Variants in IQANK1 observed in about 807,000 individuals in gnomAD.
IQANK1 encodes IQ motif and ankyrin repeat containing 1, also known as IQ motif and ankyrin repeat domain-containing protein 1.
A neutral mutation model predicts 22.6 loss-of-function variants in IQANK1; 30 were observed. That is an observed-to-expected ratio of 1.33 (90% CI 0.99 to 1.80). The LOEUF (loss-of-function observed/expected upper bound fraction) is 1.80, where lower values mean the gene tolerates loss of function less well. Ranked by LOEUF, IQANK1 falls within the 40% of genes most tolerant of loss-of-function variation. The pLI is 0.00. For synonymous variants in IQANK1, 122 were observed against 99.6 expected, an observed-to-expected ratio of 1.23 and a Z score of -1.34; for missense variants, 275 against 235.2, an observed-to-expected ratio of 1.17 and a Z score of -1.11.
intron 3 of IQANK1, among the ~76,000 whole-genome samples, chr8:143,769,844 T>TAGG (rs781876216): frequency 5.3e-5 from 8 of 152,260 alleles, no homozygotes; most frequent in Admixed American, 2.0e-4. Flanking sequence ...CTGCCATCTG[T>TAGG]GCTGCAGAAC....
intron 3 of IQANK1, among the ~76,000 whole-genome samples, chr8:143,747,672 C>T (rs553785147): frequency 6.6e-6 from 1 of 151,616 alleles, no homozygotes; most frequent in Non-Finnish European, 1.5e-5. Context: ...TGTTTAATTC[C>T]ACCATTTTGT....
chr8:143,742,924 T>C (rs782438530), intron 3 of IQANK1: 1 of 456,084 alleles, frequency 2.2e-6, no homozygotes, highest in South Asian at 1.5e-5. Flanking sequence ...TGCCAGAATC[T>C]ATCTTTTGCC....
intron 3 of IQANK1, among the ~76,000 whole-genome samples, chr8:143,768,011 T>C (rs1819508985): frequency 6.7e-6 from 1 of 148,330 alleles, no homozygotes; most frequent in Admixed American, 6.7e-5. Context: ...CAGCCTCCCC[T>C]GTAGCTGGAT....
chr8:143,770,255 TC>T (rs1819548077), intron 3 of IQANK1, among the ~76,000 whole-genome samples: 2 of 152,244 alleles, frequency 1.3e-5, no homozygotes, highest in Admixed American at 1.3e-4. Flanking sequence ...CTGGGATTTT[TC>T]CCCCTTTTGT....
At chr8:143,765,899 A>T (rs927125654) in intron 3 of IQANK1, among the ~76,000 whole-genome samples, 3 of 152,226 alleles carry the variant, frequency 2.0e-5, no homozygotes, top group Non-Finnish European at 2.9e-5. Context: ...TAAAAATAAC[A>T]CTAGCATGGA....
Position 143,774,739 on chromosome 8 carries a change from G to C in IQANK1, c.789+2257G>C, listed in dbSNP as rs577492031. Among the ~76,000 whole-genome samples the C allele has an allele frequency of 5.9e-5, 9 of 152,344 alleles. No homozygotes were observed. The South Asian group carries it at 1.9e-3, about 32-fold the overall frequency. On this transcript the variant is annotated intron_variant, in intron 7 of 13. Transcript: ENST00000527139. This position sits in a 1 kb window ranked among gnomAD's most constrained non-coding sequence, Gnocchi z 4.2. ...GCTTTATTTACAATAGCCAAAAAGT[G>C]GAAACGACTCAGATGTCCTCCAGCA...
chr8:143,734,514 G>C (rs1554625345), intron 1 of IQANK1, among the ~76,000 whole-genome samples: 1 of 149,000 alleles, frequency 6.7e-6, no homozygotes, highest in Admixed American at 6.7e-5. Context: ...CGAATGACCT[G>C]TGCCTCATGT....
rs1319473208 is a variant in IQANK1 at position 143,748,914 on chromosome 8, T to G, written c.175+8966T>G. 6.3e-5 allele frequency among the ~76,000 whole-genome samples: 4 copies of G among 63,998 alleles called. No homozygotes were observed. In the East Asian group the frequency reaches 1.4e-3, roughly 22 times the overall value. The allele number at this position is 63,998 out of a possible 152,430, so 42.0% of individuals were successfully genotyped here. Reference sequence around the variant, plus strand: ...AAATACTTAAAAATATACATATATATCTATATATAAATATATAAAAATATA... The same window carrying G: ...AAATACTTAAAAATATACATATATAGCTATATATAAATATATAAAAATATA... On this transcript the variant is annotated intron_variant, in intron 3 of 13. Coordinates refer to ENST00000527139, the MANE Select transcript of IQANK1 (RefSeq NM_001381874.1).
chr8:143,777,715 T>C (rs1275836897), intron 7 of IQANK1, among the ~76,000 whole-genome samples: 2 of 151,306 alleles, frequency 1.3e-5, no homozygotes, highest in African/African-American at 4.9e-5. Context: ...ATCAAAAGAG[T>C]TGGAGCTAAT....
intron 3 of IQANK1, among the ~76,000 whole-genome samples, chr8:143,757,009 T>C (rs970386784): frequency 6.6e-6 from 1 of 151,764 alleles, no homozygotes; most frequent in Non-Finnish European, 1.5e-5. Flanking sequence ...GAAAAGAGCA[T>C]GACTTTGCTC....
intron 7 of IQANK1, among the ~76,000 whole-genome samples, chr8:143,778,010 T>C (rs1296992730): frequency 5.9e-5 from 9 of 152,038 alleles, no homozygotes; most frequent in Admixed American, 1.3e-4. Flanking sequence ...CTGGCTAACA[T>C]GGTGAAACCC....
rs1819565354 is a variant in IQANK1, at chr8:143,771,290, G to T, written c.176-198G>T. On this transcript the variant is annotated intron_variant, in intron 3 of 13. Transcript: ENST00000527139. The surrounding 1 kb of genome is among the most constrained non-coding windows in gnomAD (Gnocchi z 6.0). ...GTTCCCGCAGACCTGGGTCCTCTCC[G>T]CGTCCCGGGCTCTCGCGCAGCCTCC... is the stretch of plus-strand genomic sequence containing the variant. Among the ~76,000 whole-genome samples, 2 of 151,894 alleles carry T rather than the reference G, an allele frequency of 1.3e-5. No homozygotes were observed. The highest frequency in any genetic ancestry group is 4.8e-5 in the African/African-American group (2 of 41,356).
At chr8:143,773,750 A>T (rs559358927) in intron 7 of IQANK1, among the ~76,000 whole-genome samples, 77 of 152,196 alleles carry the variant, frequency 5.1e-4, no homozygotes, top group African/African-American at 1.7e-3. Flanking sequence ...CCTTGTCTGC[A>T]AAGGGTCCTT....
rs565340263 is a variant in IQANK1, at chr8:143,748,828, ATT to A, written c.175+8882_175+8883del. On this transcript the variant is annotated intron_variant, in intron 3 of 13. Coordinates refer to ENST00000527139, the MANE Select transcript of IQANK1 (RefSeq NM_001381874.1). ...ATATCATATAAATATATAAATATAT[ATT>A]TCATATATAAATATATAAATATATA... Among the ~76,000 whole-genome samples, 969 of 116,990 alleles carry A rather than the reference ATT, an allele frequency of 8.3e-3. 17 individuals are homozygous for A. The highest frequency in any genetic ancestry group is 0.025 in the African/African-American group (691 of 28,062). 76.7% of individuals were successfully genotyped at this position (116,990 alleles called of 152,430 possible). A position where few individuals can be genotyped will look rare whatever the true frequency, so the allele number is the denominator to read the frequency against.
intron 2 of IQANK1, chr8:143,739,425 G>C (rs1818833765): frequency 6.2e-6 from 1 of 160,562 alleles, no homozygotes; most frequent in Admixed American, 6.5e-5. Flanking sequence ...CAGGAGCAGA[G>C]GGACAGCCAC....
chr8:143,775,222 GTCA>G (rs782294931), intron 7 of IQANK1, among the ~76,000 whole-genome samples: 28 of 152,148 alleles, frequency 1.8e-4, no homozygotes, highest in Non-Finnish European at 3.7e-4. Context: ...TATGTAAGAA[GTCA>G]TCATTGGGGG....
Position 143,747,977 on chromosome 8 carries a change from T to TCCCTTTCCCTTTC in IQANK1, c.175+8031_175+8032insCTTTCCCTTTCCC, listed in dbSNP as rs1478933242. Reference sequence around the variant, plus strand: ...CCTTTCCTTTCCTTTCCTTTCCCTTTCCTTTCCCTTTCCTTTCTTTTCCTT... The same window carrying TCCCTTTCCCTTTC: ...CCTTTCCTTTCCTTTCCTTTCCCTTTCCCTTTCCCTTTCCCTTTCCCTTTCCTTTCTTTTCCTT... On this transcript the variant is annotated intron_variant, in intron 3 of 13. Coordinates refer to ENST00000527139, the MANE Select transcript of IQANK1 (RefSeq NM_001381874.1). 2.9e-4 allele frequency among the ~76,000 whole-genome samples: 40 copies of TCCCTTTCCCTTTC among 140,154 alleles called. 1 individual carries two copies. Among genetic ancestry groups the TCCCTTTCCCTTTC allele is most frequent in the African/African-American group, 1.1e-3 (40 of 35,194 alleles). The allele number at this position is 140,154 out of a possible 152,430, so 91.9% of individuals were successfully genotyped here. A position where few individuals can be genotyped will look rare whatever the true frequency, so the allele number is the denominator to read the frequency against.
At chr8:143,738,887 C>A (rs554881147) in intron 2 of IQANK1, among the ~76,000 whole-genome samples, 7 of 152,342 alleles carry the variant, frequency 4.6e-5, no homozygotes, top group African/African-American at 7.2e-5. Flanking sequence ...GGCTCCAGGG[C>A]AGCTAGCACG....
chr8:143,766,457 G>A lies in IQANK1; in HGVS notation c.176-5031G>A, dbSNP rs572372893. 5.3e-5 allele frequency among the ~76,000 whole-genome samples: 8 copies of A among 152,120 alleles called. No homozygotes were observed. The East Asian group carries it at 1.6e-3, about 30-fold the overall frequency. ...AGGCTGAGGTGGGTGGATCACCTGAGGTCAGGAGTTCAAGACCAGCCTGGC... is the reference window on the plus strand; with the variant it reads ...AGGCTGAGGTGGGTGGATCACCTGAAGTCAGGAGTTCAAGACCAGCCTGGC... On this transcript the variant is annotated intron_variant, in intron 3 of 13. Coordinates refer to ENST00000527139, the MANE Select transcript of IQANK1 (RefSeq NM_001381874.1).
Sources: allele counts gnomAD v4.1 joint callset (sites outside exome capture counted in the v4.1 genomes callset), GRCh38; gene constraint gnomAD v4.1.1; non-coding constraint Gnocchi (gnomAD v3.1); transcripts MANE v1.5; gene names NCBI Gene and HGNC (gene_info 2026-07-23, HGNC 2026-07-21).